The following DEPDC1B variants were observed in gnomAD, a reference collection of about 807,000 sequenced individuals.
The protein encoded by DEPDC1B is DEP domain containing 1B.
DEPDC1B carries 51 observed loss-of-function variants against 66.5 expected under a neutral mutation model. That is an observed-to-expected ratio of 0.77 (90% CI 0.61 to 0.97). DEPDC1B has a LOEUF of 0.97. DEPDC1B is among the 50% of genes least tolerant of loss of function. The pLI is 0.00. For synonymous variants in DEPDC1B, 226 were observed against 223.6 expected, an observed-to-expected ratio of 1.01 and a Z score of -0.10; for missense variants, 552 against 637.1, an observed-to-expected ratio of 0.87 and a Z score of 1.44.
At chr5:60,673,120 C>T (rs1754079181) in intron 2 of DEPDC1B, among the ~76,000 whole-genome samples, 1 of 152,090 alleles carries the variant, frequency 6.6e-6, no homozygotes. Context: ...CCTTGATCAC[C>T]CTGACCAACC....
intron 7 of DEPDC1B, among the ~76,000 whole-genome samples, chr5:60,621,743 T>C (rs1414952264): frequency 1.3e-5 from 2 of 152,166 alleles, no homozygotes; most frequent in African/African-American, 4.8e-5. Context: ...AAAACAAACA[T>C]GCATTAAAGA....
intron 9 of DEPDC1B, among the ~76,000 whole-genome samples, chr5:60,600,977 T>G (rs1752189318): frequency 6.6e-6 from 1 of 152,206 alleles, no homozygotes; most frequent in South Asian, 2.1e-4. Flanking sequence ...GTTCTTATGA[T>G]AGTGAGTGAG....
chr5:60,626,718 T>C (rs1752816695), intron 7 of DEPDC1B, among the ~76,000 whole-genome samples: 1 of 152,168 alleles, frequency 6.6e-6, no homozygotes, highest in Non-Finnish European at 1.5e-5. Flanking sequence ...CTTTCTTTTT[T>C]TAATGTTATT....
intron 7 of DEPDC1B, among the ~76,000 whole-genome samples, chr5:60,614,146 A>G (rs1752483558): frequency 6.6e-6 from 1 of 152,164 alleles, no homozygotes; most frequent in South Asian, 2.1e-4. Flanking sequence ...TTTAAACTCC[A>G]CCAAATCTTT....
At chr5:60,682,351 A>G (rs560591600) in intron 2 of DEPDC1B, among the ~76,000 whole-genome samples, 15 of 152,254 alleles carry the variant, frequency 9.9e-5, no homozygotes, top group African/African-American at 3.4e-4. Flanking sequence ...ACCATCACAC[A>G]CTGGGGCCTG....
chr5:60,635,592 TAAGTG>T, intron 7 of DEPDC1B, among the ~76,000 whole-genome samples: 1 of 152,114 alleles, frequency 6.6e-6, no homozygotes, highest in East Asian at 1.9e-4. Context: ...ATGAAATAAA[TAAGTG>T]AAGAGAGTCA....
At chr5:60,696,803 A>G (rs190879212) in intron 1 of DEPDC1B, among the ~76,000 whole-genome samples, 13 of 149,988 alleles carry the variant, frequency 8.7e-5, no homozygotes, top group African/African-American at 3.3e-4. Flanking sequence ...TATAAGACAT[A>G]CACCTACTGC....
At chr5:60,645,697 G>T in intron 3 of DEPDC1B, 78 bp from the exon 4 acceptor site, 4 of 1,396,014 alleles carry the variant, frequency 2.9e-6, no homozygotes, top group Admixed American at 2.5e-5. Context: ...AATATAAGGT[G>T]GTGGGATTTT....
intron 7 of DEPDC1B, among the ~76,000 whole-genome samples, chr5:60,622,508 G>A (rs1310394331): frequency 1.3e-5 from 2 of 152,108 alleles, no homozygotes; most frequent in Non-Finnish European, 2.9e-5. Context: ...AAGCTGCTAT[G>A]AACACCACAC....
intron 7 of DEPDC1B, among the ~76,000 whole-genome samples, chr5:60,629,079 G>A (rs1050366040): frequency 3.3e-5 from 5 of 152,118 alleles, no homozygotes; most frequent in African/African-American, 9.7e-5. Flanking sequence ...AAACAGCTCC[G>A]GTACCTGGCC....
At chr5:60,641,606 G>A (rs1263771005) in intron 6 of DEPDC1B, among the ~76,000 whole-genome samples, 1 of 152,054 alleles carries the variant, frequency 6.6e-6, no homozygotes, top group South Asian at 2.1e-4. Flanking sequence ...GATTACAGGC[G>A]TGAGCCACCG....
In DEPDC1B at chr5:60,603,400, T is replaced by C. The variant is rs762878579; in HGVS notation, c.1233A>G (p.Arg411=). Residue 411 remains arginine (R), a synonymous_variant, in exon 9 of 11, where the codon CGA becomes CGG. Coordinates refer to ENST00000265036, the MANE Select transcript of DEPDC1B (RefSeq NM_018369.3). ...ATATCCTCTCCTTTACCTGGACTCT[T>C]CGTAGATGAGCCACACGCTCCTCTA... ...TSIEERVAHL[R]RVQIKYPGAD... 50 of 1,577,774 alleles carry C rather than the reference T, an allele frequency of 3.2e-5. No individual in the cohort carries two copies. In the East Asian group the frequency reaches 4.1e-4, roughly 13 times the overall value.
intron 2 of DEPDC1B, among the ~76,000 whole-genome samples, chr5:60,676,345 G>A (rs779122380): frequency 6.7e-6 from 1 of 150,312 alleles, no homozygotes; most frequent in Non-Finnish European, 1.5e-5. Context: ...AAACCTGCAC[G>A]TTGTACACAT....
At chr5:60,650,612 T>A (rs2111900856) in intron 2 of DEPDC1B, among the ~76,000 whole-genome samples, 1 of 152,294 alleles carries the variant, frequency 6.6e-6, no homozygotes, top group South Asian at 2.1e-4. Flanking sequence ...AAATACACAC[T>A]ACTCTTTAGA....
intron 2 of DEPDC1B, among the ~76,000 whole-genome samples, chr5:60,664,174 T>C (rs1490955595): frequency 1.3e-5 from 2 of 152,192 alleles, no homozygotes; most frequent in Non-Finnish European, 2.9e-5. Flanking sequence ...CTTTTCTTTA[T>C]ATGTCACAGA....
chr5:60,686,556 A>T (rs1754416866), intron 2 of DEPDC1B, among the ~76,000 whole-genome samples: 1 of 152,184 alleles, frequency 6.6e-6, no homozygotes, highest in East Asian at 1.9e-4. Flanking sequence ...ATGGGCCCTG[A>T]GCTGTTTAAA....
intron 7 of DEPDC1B, among the ~76,000 whole-genome samples, chr5:60,624,600 A>C (rs1752771948): frequency 6.6e-6 from 1 of 152,220 alleles, no homozygotes. Context: ...AAAATTGATC[A>C]GTAAGCCATC....
intron 8 of DEPDC1B, among the ~76,000 whole-genome samples, chr5:60,604,215 A>ATTGTTTTTT (rs1323826916): frequency 1.7e-5 from 1 of 60,094 alleles, no homozygotes; most frequent in Non-Finnish European, 4.1e-5. Context: ...GAAATTAACT[A>ATTGTTTTTT]TTCTTTTTTT....
At chr5:60,679,935 G>C (rs970103971) in intron 2 of DEPDC1B, among the ~76,000 whole-genome samples, 1 of 152,140 alleles carries the variant, frequency 6.6e-6, no homozygotes, top group African/African-American at 2.4e-5. Flanking sequence ...TCTTTAATTA[G>C]AACATTCTTG....
Sources: allele counts gnomAD v4.1 joint callset (sites outside exome capture counted in the v4.1 genomes callset), GRCh38; gene constraint gnomAD v4.1.1; transcripts MANE v1.5; gene names NCBI Gene and HGNC (gene_info 2026-07-23, HGNC 2026-07-21).